CDH10: variants seen among roughly 807,000 people sequenced by gnomAD.
CDH10 encodes cadherin-10.
In CDH10, 30 loss-of-function variants were observed where a neutral mutation model predicts 73.1. That is an observed-to-expected ratio of 0.41 (90% CI 0.31 to 0.56). The LOEUF is 0.56. CDH10 is among the 20% of genes least tolerant of loss of function. CDH10 has a pLI of 0.27. For missense variants in CDH10, 815 were observed against 973.7 expected, an observed-to-expected ratio of 0.84 and a Z score of 2.17; for synonymous variants, 345 against 348.2, an observed-to-expected ratio of 0.99 and a Z score of 0.10.
intron 2 of CDH10, among the ~76,000 whole-genome samples, chr5:24,580,016 C>A (rs1412445047): frequency 6.6e-6 from 1 of 152,114 alleles, no homozygotes; most frequent in African/African-American, 2.4e-5. Context: ...TTTATAGTCT[C>A]CAGTTGCTAA....
At chr5:24,505,333 T>A (rs2111729120) in intron 7 of CDH10, 85 bp from the exon 8 acceptor site, 1 of 1,005,892 alleles carries the variant, frequency 9.9e-7, no homozygotes, top group Non-Finnish European at 1.6e-6. Flanking sequence ...CCCACACATA[T>A]CACTGATAAT....
At chr5:24,513,428 CTGTT>C (rs1186046228) in intron 5 of CDH10, among the ~76,000 whole-genome samples, 27 of 152,212 alleles carry the variant, frequency 1.8e-4, no homozygotes, top group African/African-American at 6.3e-4. Flanking sequence ...TCAAAGCTGA[CTGTT>C]TGTTGGGCTA....
At chr5:24,504,562 G>GTCGCCCGGGCTGGAGTGC (rs1742626204) in intron 8 of CDH10, among the ~76,000 whole-genome samples, 1 of 118,168 alleles carries the variant, frequency 8.5e-6, no homozygotes, top group Non-Finnish European at 1.7e-5. Context: ...ATCTCGCTCT[G>GTCGCCCGGGCTGGAGTGC]TCGCCCGGGC....
At chr5:24,621,659 A>G (rs899067834) in intron 1 of CDH10, among the ~76,000 whole-genome samples, 2 of 152,232 alleles carry the variant, frequency 1.3e-5, no homozygotes, top group African/African-American at 4.8e-5. Context: ...CATTTTGACT[A>G]AAGAACTGAA....
In CDH10 at chr5:24,591,133, TGTCATA is replaced by T. The variant is rs137910245; in HGVS notation, c.231+2121_231+2126del. 1.9e-3 allele frequency among the ~76,000 whole-genome samples: 283 copies of T among 152,174 alleles called. 7 individuals carry two copies. In the East Asian group the frequency reaches 0.042, roughly 23 times the overall value. On this transcript the variant is annotated intron_variant, in intron 2 of 11. Transcript: ENST00000264463. ...TATCATATGTTAAACATTGCCTTTTTGTCATATCATGTGTATGTTTATCTCTTAAAT... is the reference window on the plus strand; with the variant it reads ...TATCATATGTTAAACATTGCCTTTTTTCATGTGTATGTTTATCTCTTAAAT...
chr5:24,524,817 C>A (rs1433561425), intron 5 of CDH10, among the ~76,000 whole-genome samples: 1 of 152,082 alleles, frequency 6.6e-6, no homozygotes, highest in Non-Finnish European at 1.5e-5. Flanking sequence ...TGTGGGGCTA[C>A]ATAAATAAGT....
chr5:24,590,792 G>C (rs1746174633), intron 2 of CDH10, among the ~76,000 whole-genome samples: 1 of 152,004 alleles, frequency 6.6e-6, no homozygotes, highest in Non-Finnish European at 1.5e-5. Flanking sequence ...GTGGGAGAGT[G>C]CTTTGTGAGC....
chr5:24,521,476 G>T (rs1007424969), intron 5 of CDH10, among the ~76,000 whole-genome samples: 1 of 152,044 alleles, frequency 6.6e-6, no homozygotes, highest in Admixed American at 6.6e-5. Flanking sequence ...GCATGGTAGC[G>T]CATGCCTGTA....
intron 2 of CDH10, among the ~76,000 whole-genome samples, chr5:24,568,153 G>A (rs17460736): frequency 0.12 from 17,621 of 151,824 alleles, 1,231 homozygotes; most frequent in Admixed American, 0.18. Flanking sequence ...AAAACTTTAA[G>A]AGTCTTGTTA....
chr5:24,574,934 A>T (rs778172252), intron 2 of CDH10, among the ~76,000 whole-genome samples: 1 of 152,044 alleles, frequency 6.6e-6, no homozygotes, highest in Non-Finnish European at 1.5e-5. Flanking sequence ...TTAAATGTAA[A>T]TAGTACAAAT....
intron 1 of CDH10, among the ~76,000 whole-genome samples, chr5:24,602,692 A>C (rs1303854770): frequency 1.3e-5 from 2 of 152,116 alleles, no homozygotes; most frequent in Non-Finnish European, 2.9e-5. Flanking sequence ...TCAAAGAAAA[A>C]ATTTCTTTTT....
At chr5:24,560,915 T>A (rs1037241503) in intron 2 of CDH10, among the ~76,000 whole-genome samples, 6 of 152,170 alleles carry the variant, frequency 3.9e-5, no homozygotes, top group Admixed American at 1.3e-4. Context: ...AATTTCCTGA[T>A]TATATAATAC....
chr5:24,492,059 C>T (rs988874527), intron 10 of CDH10, among the ~76,000 whole-genome samples: 2 of 152,140 alleles, frequency 1.3e-5, no homozygotes, highest in Admixed American at 1.3e-4. Flanking sequence ...TTCCTCAGTA[C>T]TGTTTTCAAA....
intron 1 of CDH10, among the ~76,000 whole-genome samples, chr5:24,619,178 T>C (rs1747224386): frequency 6.6e-6 from 1 of 152,060 alleles, no homozygotes; most frequent in Non-Finnish European, 1.5e-5. Context: ...TAGTCTCATC[T>C]ATATCTGATT....
At chr5:24,604,047 A>T (rs1312683194) in intron 1 of CDH10, among the ~76,000 whole-genome samples, 1 of 152,204 alleles carries the variant, frequency 6.6e-6, no homozygotes, top group Non-Finnish European at 1.5e-5. Context: ...TCTAGATTGA[A>T]ATAAAAATAA....
intron 1 of CDH10, among the ~76,000 whole-genome samples, chr5:24,637,949 G>C (rs1215510372): frequency 6.6e-6 from 1 of 151,702 alleles, no homozygotes; most frequent in Non-Finnish European, 1.5e-5. Flanking sequence ...AAACAGGCTT[G>C]ATCTAGCCTC....
At chr5:24,636,888 T>C (rs1199217703) in intron 1 of CDH10, among the ~76,000 whole-genome samples, 1 of 151,890 alleles carries the variant, frequency 6.6e-6, no homozygotes, top group Non-Finnish European at 1.5e-5. Context: ...ACCAAAAGGC[T>C]GCTCCTAAGG....
At chr5:24,643,024 A>G (rs887923529) in intron 1 of CDH10, among the ~76,000 whole-genome samples, 2 of 151,702 alleles carry the variant, frequency 1.3e-5, no homozygotes, top group Non-Finnish European at 2.9e-5. Flanking sequence ...TTTTATCATC[A>G]GAATGGGTTT....
chr5:24,505,326 A>G, intron 7 of CDH10, 78 bp from the exon 8 acceptor site: 1 of 1,044,140 alleles, frequency 9.6e-7, no homozygotes, highest in Admixed American at 1.8e-5. Context: ...ATGCAAACCC[A>G]CACATATCAC....
Sources: allele counts gnomAD v4.1 joint callset (sites outside exome capture counted in the v4.1 genomes callset), GRCh38; gene constraint gnomAD v4.1.1; transcripts MANE v1.5; gene names NCBI Gene and HGNC (gene_info 2026-07-23, HGNC 2026-07-21).